Variants in PXYLP1 observed in about 807,000 individuals in gnomAD.
PXYLP1 encodes 2-phosphoxylose phosphatase 1.
A neutral mutation model predicts 37.9 loss-of-function variants in PXYLP1; 17 were observed. The ratio of observed to expected loss-of-function variants is 0.45; its 90% CI spans 0.31 to 0.67. The LOEUF is 0.67. Ranked by LOEUF, PXYLP1 falls within the 30% of genes least tolerant of loss-of-function variation. The pLI, the probability that PXYLP1 is intolerant of heterozygous loss-of-function variation, is 0.07. For missense variants in PXYLP1, 511 were observed against 612.0 expected, an observed-to-expected ratio of 0.84 and a Z score of 1.74; for synonymous variants, 221 against 232.2, an observed-to-expected ratio of 0.95 and a Z score of 0.44.
chr3:141,250,421 G>A (rs964869960), intron 1 of PXYLP1, among the ~76,000 whole-genome samples: 7 of 152,216 alleles, frequency 4.6e-5, no homozygotes, highest in African/African-American at 1.7e-4. Context: ...ACTCCTAACA[G>A]AGCCCTGACT....
intron 2 of PXYLP1, chr3:141,273,401 G>A: frequency 1.0e-6 from 1 of 985,500 alleles, no homozygotes; most frequent in Non-Finnish European, 1.2e-6. Context: ...ATCCAAAGCT[G>A]GGAAAAGCAG....
intron 1 of PXYLP1, among the ~76,000 whole-genome samples, chr3:141,239,873 C>T (rs924337475): frequency 6.6e-6 from 1 of 152,194 alleles, no homozygotes; most frequent in African/African-American, 2.4e-5. Flanking sequence ...AAGCAGGGAC[C>T]ATACCCAGCT....
At chr3:141,279,897 T>C (rs150896572) in intron 4 of PXYLP1, among the ~76,000 whole-genome samples, 1 of 152,322 alleles carries the variant, frequency 6.6e-6, no homozygotes, top group Non-Finnish European at 1.5e-5. Flanking sequence ...GAAACGGGGA[T>C]CACAAGGCTC....
At chr3:141,243,140 A>G (rs1375697973) in intron 1 of PXYLP1, among the ~76,000 whole-genome samples, 1 of 152,188 alleles carries the variant, frequency 6.6e-6, no homozygotes, top group Non-Finnish European at 1.5e-5. Context: ...CTTCTAGGAT[A>G]GCAGTGTAGG....
intron 5 of PXYLP1, among the ~76,000 whole-genome samples, chr3:141,287,837 A>T (rs1942111553): frequency 1.3e-5 from 2 of 152,182 alleles, no homozygotes; most frequent in South Asian, 4.1e-4. Flanking sequence ...TCAACAACAC[A>T]TTTTGTTAAT....
chr3:141,265,082 G>A (rs7432873), intron 2 of PXYLP1, among the ~76,000 whole-genome samples: 170 of 152,282 alleles, frequency 1.1e-3, no homozygotes, highest in African/African-American at 3.9e-3. Context: ...GAGTACAGGT[G>A]CTCCTGGCCA....
rs1290950344 is a variant in PXYLP1, at chr3:141,267,018, G to A, written c.79+6764G>A. Among the ~76,000 whole-genome samples, 3 of 152,270 alleles carry A rather than the reference G, an allele frequency of 2.0e-5. No homozygotes were observed. In the East Asian group the frequency reaches 5.8e-4, roughly 29 times the overall value. ...TCAGTCCTGCTCACTCTTGTAGATG[G>A]CCATTAGCATTTGTGGTTTCGACTC... On this transcript the variant is annotated intron_variant, in intron 2 of 5. Transcript: ENST00000286353.
chr3:141,257,633 C>T (rs984359787), intron 1 of PXYLP1, among the ~76,000 whole-genome samples: 7 of 152,116 alleles, frequency 4.6e-5, no homozygotes, highest in Non-Finnish European at 2.9e-5. Context: ...CAGTGTCAGC[C>T]GGGCACAGTG....
intron 2 of PXYLP1, among the ~76,000 whole-genome samples, chr3:141,265,844 G>C (rs1032074824): frequency 6.6e-6 from 1 of 152,196 alleles, no homozygotes; most frequent in Non-Finnish European, 1.5e-5. Flanking sequence ...TGGCTCCCTG[G>C]GTCTGAAGAA....
chr3:141,263,656 GCTCATTTC>G (rs1941444020), intron 2 of PXYLP1, among the ~76,000 whole-genome samples: 1 of 152,152 alleles, frequency 6.6e-6, no homozygotes, highest in Non-Finnish European at 1.5e-5. Context: ...CTGATTTTAT[GCTCATTTC>G]TCCATGTTCT....
intron 2 of PXYLP1, among the ~76,000 whole-genome samples, chr3:141,271,054 C>T (rs1426198190): frequency 1.3e-5 from 2 of 152,190 alleles, no homozygotes; most frequent in Non-Finnish European, 2.9e-5. Flanking sequence ...CCATATCCTG[C>T]TCACTTTTTA....
intron 5 of PXYLP1, chr3:141,291,605 T>C (rs957340755): frequency 3.9e-5 from 6 of 152,236 alleles, no homozygotes; most frequent in Non-Finnish European, 7.3e-5. Context: ...ATCAACATAC[T>C]GTTCTACACT....
At chr3:141,274,552 G>C in intron 2 of PXYLP1, 1 of 1,167,434 alleles carries the variant, frequency 8.6e-7, no homozygotes, top group East Asian at 2.5e-5. Flanking sequence ...GCAACCCTCA[G>C]TGCTCCACAT....
chr3:141,276,259 T>C (rs1576599091), intron 2 of PXYLP1, among the ~76,000 whole-genome samples: 1 of 152,232 alleles, frequency 6.6e-6, no homozygotes, highest in Non-Finnish European at 1.5e-5. Flanking sequence ...TGTGCGAATA[T>C]ACAAACAAGT....
intron 4 of PXYLP1, 34 bp downstream of exon 4, chr3:141,279,538 G>C: frequency 6.2e-7 from 1 of 1,613,436 alleles, no homozygotes; most frequent in Non-Finnish European, 8.5e-7. Context: ...TCATTTTCAA[G>C]TGTCTGTTAT....
intron 4 of PXYLP1, among the ~76,000 whole-genome samples, chr3:141,282,423 A>AC (rs1483077635): frequency 1.3e-5 from 2 of 151,844 alleles, no homozygotes; most frequent in Admixed American, 6.6e-5. Context: ...CTGGTCTCCC[A>AC]CAGCCCCCTT....
At chr3:141,274,197 A>G in intron 2 of PXYLP1, 1 of 1,054,150 alleles carries the variant, frequency 9.5e-7, no homozygotes. Flanking sequence ...TATCTAGGTG[A>G]TCGGGGCAAG....
intron 4 of PXYLP1, among the ~76,000 whole-genome samples, 172 bp from the exon 5 acceptor site, chr3:141,287,142 G>A (rs1042671104): frequency 6.6e-6 from 1 of 152,230 alleles, no homozygotes; most frequent in Non-Finnish European, 1.5e-5. Flanking sequence ...TCATGTGTCA[G>A]TGTCAGTGGT....
At chr3:141,268,483 G>A (rs59752258) in intron 2 of PXYLP1, among the ~76,000 whole-genome samples, 32,138 of 151,968 alleles carry the variant, frequency 0.21, 4,655 homozygotes, top group African/African-American at 0.41. Flanking sequence ...TGCAGACCCC[G>A]CTCACTCCCT....
Sources: gnomAD v4.1 joint callset for allele counts (sites outside exome capture counted in the v4.1 genomes callset) on GRCh38, gnomAD v4.1.1 for gene constraint, MANE v1.5 for transcripts, NCBI Gene and HGNC (gene_info 2026-07-23, HGNC 2026-07-21) for gene names.